The following HERC5 variants were observed in gnomAD, a reference collection of about 807,000 sequenced individuals.
HERC5 encodes the protein HECT and RLD domain containing E3 ubiquitin protein ligase 5.
Under a neutral mutation model 119.6 loss-of-function variants are expected in HERC5, and 99 were observed. The observed-to-expected ratio is 0.83, with a 90% confidence interval of 0.70 to 0.98. The LOEUF is 0.98. HERC5 is among the 50% of genes least tolerant of loss of function. The probability of loss-of-function intolerance (pLI) is 0.00; values close to 1 mark genes in which losing one functional copy is unlikely to be tolerated. For synonymous variants in HERC5, 478 were observed against 445.9 expected, an observed-to-expected ratio of 1.07 and a Z score of -0.91; for missense variants, 1,267 against 1,241.3, an observed-to-expected ratio of 1.02 and a Z score of -0.31.
In HERC5 at chr4:88,467,093, A is replaced by G. The variant is rs775105692; in HGVS notation, c.946A>G (p.Lys316Glu). The G allele has an allele frequency of 6.8e-6, 11 of 1,614,030 alleles. No homozygotes were observed. The highest frequency in any genetic ancestry group is 9.3e-6 in the Non-Finnish European group (11 of 1,180,008). The change falls in exon 7 of 23, where the codon AAG (lysine) becomes GAG (glutamate). Residue 316 changes from lysine to glutamate, a missense_variant. Transcript: ENST00000264350. ...ACTTGCCTATGTTTCTGATTTGGGAAAGGTCTTTTCCTTTGGTTCTGGAAA... is the reference window on the plus strand; with the variant it reads ...ACTTGCCTATGTTTCTGATTTGGGAGAGGTCTTTTCCTTTGGTTCTGGAAA... ...HTLAYVSDLG[K>E]VFSFGSGKDG... is the part of the protein sequence containing the mutation.
At chr4:88,501,043 C>A in intron 20 of HERC5, 58 bp downstream of exon 20, 1 of 1,207,104 alleles carries the variant, frequency 8.3e-7, no homozygotes, top group Non-Finnish European at 1.2e-6. Flanking sequence ...TTTTACTGAG[C>A]TCTAAAAATT....
At chr4:88,485,459 C>T (rs1741424250) in intron 13 of HERC5, among the ~76,000 whole-genome samples, 1 of 152,124 alleles carries the variant, frequency 6.6e-6, no homozygotes, top group Non-Finnish European at 1.5e-5. Flanking sequence ...TATTTGAGGC[C>T]TGGACGAGAG....
At chr4:88,470,695 T>C in intron 10 of HERC5, 22 bp downstream of exon 10, 2 of 1,008,760 alleles carry the variant, frequency 2.0e-6, no homozygotes, top group Non-Finnish European at 3.1e-6. Context: ...AATAAATTAA[T>C]TGTATTAAAT....
chr4:88,500,118 C>T (rs1480098916), intron 19 of HERC5, 126 bp downstream of exon 19: 18 of 636,648 alleles, frequency 2.8e-5, no homozygotes, highest in Non-Finnish European at 3.5e-5. Context: ...AGGTATTGTT[C>T]TTCATCATGA....
intron 19 of HERC5, 31 bp downstream of exon 19, chr4:88,500,023 AGTTT>A: frequency 5.2e-6 from 7 of 1,347,942 alleles, no homozygotes; most frequent in Non-Finnish European, 7.4e-6. Flanking sequence ...ATAACAGATT[AGTTT>A]TAATCTGATT....
At chr4:88,502,682 C>CT (rs961756986) in intron 20 of HERC5, among the ~76,000 whole-genome samples, 1 of 152,168 alleles carries the variant, frequency 6.6e-6, no homozygotes, top group East Asian at 1.9e-4. Flanking sequence ...TATATCCACT[C>CT]TAATAGTATT....
At position 88,504,572 on chromosome 4, in the gene HERC5, T is replaced by C. The variant is rs1175888473; in HGVS notation, c.2844T>C (p.Thr948=). Residue 948 remains threonine, a synonymous_variant, in exon 22 of 23, where the codon ACT becomes ACC. Coordinates refer to ENST00000264350, the MANE Select transcript of HERC5 (RefSeq NM_016323.4). The part of the protein sequence containing the change: ...VMFWKAFHKL[T]LEEKKKFLVF... ...TTTGGAAGGCTTTCCACAAATTGAC[T>C]CTGGAAGAAAAGAAAAAATTCCTTG... 1.9e-6 allele frequency: 3 copies of C among 1,570,184 alleles called. No homozygotes were observed. Among genetic ancestry groups the C allele is most frequent in the Admixed American group, 4.0e-5 (2 of 49,918 alleles).
At chr4:88,457,986 A>G (rs1740243671) in intron 1 of HERC5, 3 of 989,830 alleles carry the variant, frequency 3.0e-6, no homozygotes, top group African/African-American at 1.7e-5. Flanking sequence ...TTCTCATCGA[A>G]GTGGGGGAAA....
intron 19 of HERC5, 85 bp downstream of exon 19, chr4:88,500,077 T>C: frequency 1.4e-6 from 1 of 725,888 alleles, no homozygotes; most frequent in Non-Finnish European, 2.2e-6. Context: ...AACTTTTACT[T>C]AAAAAAAAAA....
chr4:88,487,873 G>A (rs906014057), intron 15 of HERC5, among the ~76,000 whole-genome samples: 2 of 152,032 alleles, frequency 1.3e-5, no homozygotes, highest in Non-Finnish European at 2.9e-5. Context: ...TGTTAATATA[G>A]GTAAAGCATT....
intron 16 of HERC5, among the ~76,000 whole-genome samples, chr4:88,490,336 T>C (rs1741595241): frequency 6.6e-6 from 1 of 152,156 alleles, no homozygotes. Context: ...TACAGAACTA[T>C]TAGGTAACTT....
Position 88,486,241 on chromosome 4 carries a change from T to A in HERC5, c.1851+13T>A. The A allele has an allele frequency of 6.9e-7, 1 of 1,459,654 alleles. No individual in the cohort carries two copies. The highest frequency in any genetic ancestry group is 9.5e-7 in the Non-Finnish European group (1 of 1,050,112). The allele number at this position is 1,459,654 out of a possible 1,614,324, so 90.4% of individuals were successfully genotyped here. ...GAAAATGACTGTGGTAGGTATAGCA[T>A]GTTTAAAGGGGGAAATTGATAATCA... is the stretch of plus-strand genomic sequence containing the variant. On this transcript the variant is annotated intron_variant, in intron 14 of 22. Coordinates refer to ENST00000264350, the MANE Select transcript of HERC5 (RefSeq NM_016323.4).
chr4:88,483,250 C>T (rs1741342209), intron 13 of HERC5, among the ~76,000 whole-genome samples: 2 of 151,788 alleles, frequency 1.3e-5, no homozygotes, highest in South Asian at 4.2e-4. Context: ...CTCACTCTGC[C>T]CAGGCTGGAG....
At chr4:88,477,585 G>C (rs1741128329) in intron 12 of HERC5, among the ~76,000 whole-genome samples, 1 of 135,660 alleles carries the variant, frequency 7.4e-6, no homozygotes, top group African/African-American at 2.8e-5. Context: ...GGGATGGGAA[G>C]GGAAGGAGGA....
intron 18 of HERC5, among the ~76,000 whole-genome samples, chr4:88,498,288 A>G (rs1469130785): frequency 6.6e-6 from 1 of 152,108 alleles, no homozygotes; most frequent in Admixed American, 6.5e-5. Flanking sequence ...CTGAGGGAGA[A>G]TCAAAAGCAC....
chr4:88,489,139 G>A (rs779372004), intron 15 of HERC5, 27 bp from the exon 16 acceptor site: 6 of 1,584,184 alleles, frequency 3.8e-6, no homozygotes, highest in Middle Eastern at 1.7e-4. Flanking sequence ...AAAATGAAGT[G>A]TAATATTTCT....
chr4:88,489,057 A>G, intron 15 of HERC5, 109 bp from the exon 16 acceptor site: 1 of 786,740 alleles, frequency 1.3e-6, no homozygotes, highest in Non-Finnish European at 2.1e-6. Context: ...CTTTTCATAA[A>G]TGTGACCTGC....
At chr4:88,462,389 A>T (rs1353385627) in intron 4 of HERC5, 33 bp downstream of exon 4, 1 of 1,550,610 alleles carries the variant, frequency 6.4e-7, no homozygotes, top group Admixed American at 1.7e-5. Context: ...CCTATTACCA[A>T]CAGATATACT....
At chr4:88,488,443 G>A (rs899059200) in intron 15 of HERC5, among the ~76,000 whole-genome samples, 1 of 151,902 alleles carries the variant, frequency 6.6e-6, no homozygotes, top group Non-Finnish European at 1.5e-5. Flanking sequence ...TGTTGGCCAG[G>A]CTGGTCTCAA....
Sources: gnomAD v4.1 joint callset for allele counts (sites outside exome capture counted in the v4.1 genomes callset) on GRCh38, gnomAD v4.1.1 for gene constraint, MANE v1.5 for transcripts, NCBI Gene and HGNC (gene_info 2026-07-23, HGNC 2026-07-21) for gene names.